The following CDH23 variants were observed in gnomAD, a reference collection of about 807,000 sequenced individuals.
CDH23 encodes the protein cadherin related 23.
CDH23 carries 189 observed loss-of-function variants against 317.1 expected under a neutral mutation model. The ratio of observed to expected loss-of-function variants is 0.60; its 90% CI spans 0.53 to 0.67. CDH23 has a LOEUF of 0.67. Among genes scored for constraint, CDH23 ranks in the 30% least tolerant of loss-of-function variants. The probability of loss-of-function intolerance (pLI) is 0.00; values close to 1 mark genes in which losing one functional copy is unlikely to be tolerated. For synonymous variants in CDH23, 1,839 were observed against 1,876.8 expected (o/e 0.98, Z 0.52); for missense variants, 4,401 against 4,592.4 (o/e 0.96, Z 1.20).
rs1841463341 is a variant in CDH23, at chr10:71,798,441, T to C, written c.6917T>C (p.Leu2306Pro). 2 of 1,613,946 alleles carry C rather than the reference T, an allele frequency of 1.2e-6. No homozygotes were observed. The highest frequency in any genetic ancestry group is 1.7e-5 in the Admixed American group (1 of 60,028). ...FGITYYMERI[L>P]EGATPGTTLI... is the part of the protein sequence containing the mutation. ...ATCACCTACTACATGGAGCGGATCC[T>C]GGAGGGGGCCACCCCTGGGACCACA... The change falls in exon 50 of 70, where the codon CTG becomes CCG. Residue 2306 changes from leucine to proline, a missense_variant. This residue lies in a region of CDH23 where 3,068 missense variants were observed against 3,203.3 expected (regional missense o/e 0.96). Transcript: ENST00000224721.
intron 14 of CDH23, among the ~76,000 whole-genome samples, chr10:71,657,289 A>G (rs1203133371): frequency 6.6e-6 from 1 of 152,150 alleles, no homozygotes; most frequent in Non-Finnish European, 1.5e-5. Flanking sequence ...TCAACTATAA[A>G]ATGGGAAGAG....
At chr10:71,518,915 C>A (rs113072869) in intron 6 of CDH23, among the ~76,000 whole-genome samples, 1 of 152,214 alleles carries the variant, frequency 6.6e-6, no homozygotes. Context: ...CCCTGTAACA[C>A]CACCTCTTCC....
intron 38 of CDH23, among the ~76,000 whole-genome samples, chr10:71,744,487 C>T (rs144772662): frequency 6.6e-6 from 1 of 152,342 alleles, no homozygotes; most frequent in African/African-American, 2.4e-5. Context: ...GGCCACTATC[C>T]AAGCAATCCT....
intron 44 of CDH23, among the ~76,000 whole-genome samples, chr10:71,787,798 C>T (rs1351165349): frequency 6.6e-6 from 1 of 152,338 alleles, no homozygotes; most frequent in South Asian, 2.1e-4. Context: ...TGGATGGACA[C>T]TTACATTGAT....
intron 38 of CDH23, 60 bp downstream of exon 38, chr10:71,741,981 G>C (rs1839749051): frequency 2.2e-6 from 3 of 1,339,868 alleles, no homozygotes; most frequent in Non-Finnish European, 2.1e-6. Context: ...CCGCCTCCGA[G>C]TGAGGGGAAC....
intron 20 of CDH23, among the ~76,000 whole-genome samples, chr10:71,692,298 C>T (rs1304363729): frequency 6.6e-6 from 1 of 152,202 alleles, no homozygotes; most frequent in African/African-American, 2.4e-5. Flanking sequence ...CTTGCCTCCC[C>T]AGTCGGGGCT....
intron 9 of CDH23, among the ~76,000 whole-genome samples, chr10:71,579,325 C>T (rs867804261): frequency 1.3e-5 from 2 of 152,266 alleles, no homozygotes; most frequent in Non-Finnish European, 2.9e-5. Context: ...CCCAGAGCAA[C>T]TCCCAGCCCA....
chr10:71,469,812 C>T (rs1254883830), intron 3 of CDH23, among the ~76,000 whole-genome samples: 2 of 152,074 alleles, frequency 1.3e-5, no homozygotes, highest in African/African-American at 2.4e-5. Flanking sequence ...CACATGTTGG[C>T]GAGGCTGGTC....
intron 41 of CDH23, among the ~76,000 whole-genome samples, chr10:71,782,564 C>T (rs995909282): frequency 6.6e-6 from 1 of 152,230 alleles, no homozygotes; most frequent in Non-Finnish European, 1.5e-5. Context: ...AAGTCTGGCC[C>T]CAGAGCAAGC....
At chr10:71,810,168 C>A in intron 61 of CDH23, 92 bp downstream of exon 61, 1 of 1,489,334 alleles carries the variant, frequency 6.7e-7, no homozygotes, top group South Asian at 1.2e-5. Context: ...GTGCAAAGGC[C>A]AGGGCGTGAA....
At chr10:71,589,229 C>T (rs1352236332) in intron 9 of CDH23, among the ~76,000 whole-genome samples, 1 of 152,170 alleles carries the variant, frequency 6.6e-6, no homozygotes, top group African/African-American at 2.4e-5. Context: ...AAGCAATTCT[C>T]CTGCCTTAGC....
chr10:71,478,883 C>T (rs1851926625), intron 3 of CDH23, among the ~76,000 whole-genome samples: 1 of 152,218 alleles, frequency 6.6e-6, no homozygotes, highest in Admixed American at 6.5e-5. Context: ...AAGGTCTTTT[C>T]TTCTTCTTTT....
In CDH23 at chr10:71,803,396, C is replaced by T. The variant is rs951916941; in HGVS notation, c.7848C>T (p.Asn2616=). 1.7e-5 allele frequency: 27 copies of T among 1,596,660 alleles called. No individual in the cohort carries two copies. The highest frequency in any genetic ancestry group is 1.7e-4 in the Middle Eastern group (1 of 6,052). The change falls in exon 55 of 70, where the codon AAC becomes AAT. Residue 2616 remains asparagine (N), a synonymous_variant. Transcript: ENST00000224721. ...GCCCTGTCTTTGTGCGCCCACCCAA[C>T]GGCACCATCCTCCACATCAGAGAGG... ...DNRPVFVRPP[N]GTILHIREEI...
At chr10:71,695,590 T>A in intron 22 of CDH23, 65 bp downstream of exon 22, 7 of 1,157,746 alleles carry the variant, frequency 6.0e-6, no homozygotes, top group Non-Finnish European at 9.1e-6. Flanking sequence ...CCCCTCCCAC[T>A]GCGATTCCAG....
chr10:71,556,087 G>A (rs1455703222), intron 6 of CDH23, among the ~76,000 whole-genome samples: 3 of 152,236 alleles, frequency 2.0e-5, no homozygotes, highest in African/African-American at 7.2e-5. Context: ...ACCACACTTT[G>A]GGGCTGGCAC....
At chr10:71,417,320 G>A (rs776387599) in intron 1 of CDH23, among the ~76,000 whole-genome samples, 5 of 151,850 alleles carry the variant, frequency 3.3e-5, no homozygotes, top group Admixed American at 6.6e-5. Context: ...CAGGTGATCC[G>A]CCTGCCTCGG....
At chr10:71,715,241 T>C (rs1866156076) in intron 28 of CDH23, 1 of 152,276 alleles carries the variant, frequency 6.6e-6, no homozygotes, top group African/African-American at 2.4e-5. Flanking sequence ...CTCGATCATC[T>C]TCAATCCCTT....
chr10:71,779,427 T>G lies in CDH23; in HGVS notation c.5348T>G (p.Ile1783Ser). 1 of 1,608,442 alleles carries G rather than the reference T, an allele frequency of 6.2e-7. No homozygotes were observed. The highest frequency in any genetic ancestry group is 1.7e-4 in the Middle Eastern group (1 of 6,054). The change falls in exon 41 of 70, where the codon ATC becomes AGC. Residue 1783 changes from isoleucine to serine, a missense_variant. Physicochemically the swap from Ile to Ser is moderately radical, Grantham distance 142. Coordinates refer to ENST00000224721, the MANE Select transcript of CDH23 (RefSeq NM_022124.6). Reference protein sequence around the residue: ...SGPNGQVEYSIMDGDPLGEFV... With the variant: ...SGPNGQVEYSSMDGDPLGEFV... ...CCCAACGGGCAGGTGGAGTACAGCA[T>G]CATGGATGGAGACCCTCTGGGTGAG...
intron 6 of CDH23, among the ~76,000 whole-genome samples, chr10:71,517,665 C>T (rs531872605): frequency 6.6e-6 from 1 of 152,340 alleles, no homozygotes; most frequent in South Asian, 2.1e-4. Context: ...GAGGCAGCCC[C>T]TTGACAGGCC....
Sources: allele counts gnomAD v4.1 joint callset (sites outside exome capture counted in the v4.1 genomes callset), GRCh38; gene constraint gnomAD v4.1.1; regional missense constraint gnomAD v4.1.1; transcripts MANE v1.5; gene names NCBI Gene and HGNC (gene_info 2026-07-23, HGNC 2026-07-21).